The following SPESP1 variants were observed in gnomAD, a reference collection of about 807,000 sequenced individuals.
SPESP1 encodes sperm equatorial segment protein 1.
A neutral mutation model predicts 3.1 loss-of-function variants in SPESP1; 1 was observed. The ratio of observed to expected loss-of-function variants is 0.33; its 90% CI spans 0.12 to 1.54. SPESP1 has a LOEUF of 1.54. SPESP1 is among the 40% of genes most tolerant of loss of function. SPESP1 has a pLI of 0.38. For missense variants in SPESP1, 398 were observed against 410.1 expected (o/e 0.97, Z 0.26); for synonymous variants, 138 against 150.7 (o/e 0.92, Z 0.62).
chr15:68,946,403 G>T lies in SPESP1; in HGVS notation c.869G>T (p.Ser290Ile), dbSNP rs1185272157. The T allele has an allele frequency of 8.7e-6, 14 of 1,613,940 alleles. No individual in the cohort carries two copies. Among genetic ancestry groups the T allele is most frequent in the African/African-American group, 1.3e-5 (1 of 74,910 alleles). The change falls in exon 2 of 2, where the codon AGT becomes ATT. Residue 290 changes from serine to isoleucine, a missense_variant. Coordinates refer to ENST00000310673, the MANE Select transcript of SPESP1 (RefSeq NM_145658.4). The part of the protein sequence containing the change: ...KSQLLPVGRT[S>I]NKIDDIETVI... The stretch of plus-strand genomic sequence containing the variant: ...CAGTTATTGCCAGTAGGACGAACAA[G>T]TAATAAAATTGATGACATCGAAACT...
In SPESP1 at chr15:68,945,942, G is replaced by A. The variant is rs375308803; in HGVS notation, c.408G>A (p.Glu136=). 123 of 1,613,998 alleles carry A rather than the reference G, an allele frequency of 7.6e-5. 4 individuals carry two copies. Among genetic ancestry groups the A allele is most frequent in the East Asian group, 3.6e-4 (16 of 44,892 alleles). ...PNNVSIVLHA[E]EPYIENEEPE... ...ATGTTTCCATTGTTTTGCATGCAGA[G>A]GAACCTTATATTGAAAATGAAGAGC... Residue 136 remains glutamate, a synonymous_variant, in exon 2 of 2, where the codon GAG becomes GAA. Transcript: ENST00000310673.
At position 68,944,513 on chromosome 15, in the gene SPESP1, A is replaced by AAT. The variant is rs1453070322; in HGVS notation, c.65-1075_65-1074dup. Among the ~76,000 whole-genome samples the AAT allele has an allele frequency of 6.6e-5, 10 of 152,074 alleles. No individual in the cohort carries two copies. In the East Asian group the frequency reaches 1.5e-3, roughly 24 times the overall value. On this transcript the variant is annotated intron_variant, in intron 1 of 1. Transcript: ENST00000310673. ...ATTTCCTGACTAGACTTTAGTCAAG[A>AAT]ATATATATATATTTTTGATCCGGGG...
chr15:68,931,046 A>G (rs1895522927), intron 1 of SPESP1, among the ~76,000 whole-genome samples: 1 of 152,062 alleles, frequency 6.6e-6, no homozygotes, highest in Non-Finnish European at 1.5e-5. Flanking sequence ...GGGTCGTGTG[A>G]CAGCTGCTGG....
At chr15:68,930,800 T>C in intron 1 of SPESP1, 83 bp downstream of exon 1, 2 of 1,598,928 alleles carry the variant, frequency 1.3e-6, no homozygotes, top group Non-Finnish European at 1.7e-6. Flanking sequence ...AGCCTGGCCC[T>C]TCCTTCTCCC....
At chr15:68,934,017 G>C (rs1030154103) in intron 1 of SPESP1, among the ~76,000 whole-genome samples, 1 of 151,838 alleles carries the variant, frequency 6.6e-6, no homozygotes, top group Non-Finnish European at 1.5e-5. Context: ...TAAAATTAAA[G>C]TGTGTTAATA....
chr15:68,936,748 A>C (rs994053638), intron 1 of SPESP1, among the ~76,000 whole-genome samples: 4 of 152,198 alleles, frequency 2.6e-5, no homozygotes, highest in African/African-American at 9.7e-5. Flanking sequence ...AAATTATGTC[A>C]ATGCAGTATT....
intron 1 of SPESP1, among the ~76,000 whole-genome samples, chr15:68,940,605 A>G (rs1023434592): frequency 1.3e-5 from 2 of 152,212 alleles, no homozygotes; most frequent in South Asian, 2.1e-4. Context: ...TTAATTGTTG[A>G]AGAAACTGGG....
intron 1 of SPESP1, among the ~76,000 whole-genome samples, chr15:68,938,572 G>T (rs1205729929): frequency 2.0e-5 from 3 of 151,878 alleles, no homozygotes; most frequent in East Asian, 1.9e-4. Flanking sequence ...AAAATATTTT[G>T]GTCCAGTTGA....
chr15:68,946,629 C>A lies in SPESP1; in HGVS notation c.*42C>A. 1 of 1,385,302 alleles carries A rather than the reference C, an allele frequency of 7.2e-7. No individual in the cohort carries two copies. The highest frequency in any genetic ancestry group is 9.3e-7 in the Non-Finnish European group (1 of 1,072,294). The allele number at this position is 1,385,302 out of a possible 1,614,324, so 85.8% of individuals were successfully genotyped here. ...TTTAAACCTACTTGATATTCCATAACAAAGCTGATTTAAGCAAACTGCATT... is the reference window on the plus strand; with the variant it reads ...TTTAAACCTACTTGATATTCCATAAAAAAGCTGATTTAAGCAAACTGCATT... On this transcript the variant is annotated 3_prime_UTR_variant, in exon 2 of 2. Transcript: ENST00000310673.
At chr15:68,933,333 G>T (rs1185486114) in intron 1 of SPESP1, among the ~76,000 whole-genome samples, 1 of 151,164 alleles carries the variant, frequency 6.6e-6, no homozygotes, top group African/African-American at 2.4e-5. Context: ...ACAGAAGTCG[G>T]CACTCCTTTA....
chr15:68,933,071 A>G (rs532392033), intron 1 of SPESP1, among the ~76,000 whole-genome samples: 1 of 152,338 alleles, frequency 6.6e-6, no homozygotes, highest in Non-Finnish European at 1.5e-5. Context: ...TATTCAAACA[A>G]TTGTTGGCGA....
intron 1 of SPESP1, among the ~76,000 whole-genome samples, chr15:68,944,865 A>G (rs982115417): frequency 2.6e-5 from 4 of 152,208 alleles, no homozygotes; most frequent in African/African-American, 9.6e-5. Context: ...ATACTGGTAA[A>G]TATTTAAAAC....
At chr15:68,933,104 G>A (rs1440346874) in intron 1 of SPESP1, among the ~76,000 whole-genome samples, 3 of 152,140 alleles carry the variant, frequency 2.0e-5, no homozygotes, top group Admixed American at 6.5e-5. Context: ...AAGGTACATA[G>A]GTTTTTATAA....
intron 1 of SPESP1, among the ~76,000 whole-genome samples, chr15:68,940,156 G>C (rs1482575281): frequency 6.6e-6 from 1 of 152,096 alleles, no homozygotes; most frequent in Non-Finnish European, 1.5e-5. Flanking sequence ...GGAACAGGTG[G>C]TTTTTGGTTA....
Position 68,946,107 on chromosome 15 carries a change from G to C in SPESP1, c.573G>C (p.Gly191=). Residue 191 remains glycine (G), a synonymous_variant, in exon 2 of 2, where the codon GGG becomes GGC. Transcript: ENST00000310673. The stretch of plus-strand genomic sequence containing the variant: ...CTTTAGATAAGAGCACTGGCATTGG[G>C]ATCTCTACAGAATCAGAAGATGTTC... ...VTTLDKSTGI[G]ISTESEDVPQ... The C allele has an allele frequency of 6.2e-7, 1 of 1,614,144 alleles. No homozygotes were observed. Among genetic ancestry groups the C allele is most frequent in the Non-Finnish European group, 8.5e-7 (1 of 1,180,024 alleles).
chr15:68,942,804 T>G (rs1396049678), intron 1 of SPESP1, among the ~76,000 whole-genome samples: 2 of 152,178 alleles, frequency 1.3e-5, no homozygotes, highest in Non-Finnish European at 2.9e-5. Flanking sequence ...TTACCTAAGG[T>G]CATGCTGCTA....
At chr15:68,934,789 TA>T (rs1308105721) in intron 1 of SPESP1, among the ~76,000 whole-genome samples, 1 of 152,216 alleles carries the variant, frequency 6.6e-6, no homozygotes, top group Admixed American at 6.5e-5. Context: ...TATCACTATA[TA>T]TTTGAAGCAT....
intron 1 of SPESP1, among the ~76,000 whole-genome samples, chr15:68,944,397 C>T (rs77008099): frequency 8.0e-5 from 12 of 150,268 alleles, no homozygotes; most frequent in Non-Finnish European, 1.3e-4. Context: ...GACGCCCCAA[C>T]AATACCCTTG....
At chr15:68,936,869 G>T (rs1467079609) in intron 1 of SPESP1, among the ~76,000 whole-genome samples, 1 of 152,010 alleles carries the variant, frequency 6.6e-6, no homozygotes, top group Non-Finnish European at 1.5e-5. Context: ...AAGTATGGGG[G>T]CTCTCTGAGA....
Sources: gnomAD v4.1 joint callset for allele counts (sites outside exome capture counted in the v4.1 genomes callset) on GRCh38, gnomAD v4.1.1 for gene constraint, MANE v1.5 for transcripts, NCBI Gene and HGNC (gene_info 2026-07-23, HGNC 2026-07-21) for gene names.